The following NAALAD2 variants were observed in gnomAD, a reference collection of about 807,000 sequenced individuals.
The protein encoded by NAALAD2 is N-acetylated-alpha-linked acidic dipeptidase 2.
Under a neutral mutation model 95.6 loss-of-function variants are expected in NAALAD2, and 89 were observed. That is an observed-to-expected ratio of 0.93 (90% confidence interval 0.78 to 1.11). The LOEUF is 1.11. Ranked by LOEUF, NAALAD2 falls within the 50% of genes least tolerant of loss-of-function variation. The pLI is 0.00. For synonymous variants in NAALAD2, 264 were observed against 294.4 expected (o/e 0.90, Z 1.06); for missense variants, 894 against 872.4 (o/e 1.02, Z -0.31).
chr11:90,187,515 CAT>C (rs1188163162), intron 18 of NAALAD2, among the ~76,000 whole-genome samples: 1 of 148,212 alleles, frequency 6.7e-6, no homozygotes, highest in Non-Finnish European at 1.5e-5. Flanking sequence ...ATTGATATGA[CAT>C]ATTGCATATG....
At chr11:90,157,490 T>C (rs1397068789) in intron 6 of NAALAD2, among the ~76,000 whole-genome samples, 3 of 152,136 alleles carry the variant, frequency 2.0e-5, no homozygotes. Context: ...TTTCCAATTA[T>C]TTATAGTTTC....
At chr11:90,191,447 T>C in intron 18 of NAALAD2, 111 bp from the exon 19 acceptor site, 7 of 667,110 alleles carry the variant, frequency 1.0e-5, no homozygotes, top group South Asian at 4.0e-5. Context: ...TGTCTTCTTA[T>C]TATAGGAACA....
At chr11:90,163,868 T>TA (rs1003780820) in intron 11 of NAALAD2, 2 of 462,186 alleles carry the variant, frequency 4.3e-6, no homozygotes, top group East Asian at 6.6e-5. Context: ...ATTTGTTTTA[T>TA]AAAAAATAAG....
intron 2 of NAALAD2, among the ~76,000 whole-genome samples, chr11:90,141,794 T>C (rs991228643): frequency 1.2e-4 from 18 of 152,130 alleles, no homozygotes; most frequent in African/African-American, 4.3e-4. Flanking sequence ...TTTGGTTTGT[T>C]TCTTGTAGAT....
chr11:90,163,464 A>T, intron 10 of NAALAD2, 35 bp downstream of exon 10: 1 of 1,613,346 alleles, frequency 6.2e-7, no homozygotes, highest in Non-Finnish European at 8.5e-7. Flanking sequence ...GATGACAAAA[A>T]GTGACTTACT....
At chr11:90,171,383 C>T (rs76151480) in intron 13 of NAALAD2, among the ~76,000 whole-genome samples, 1 of 152,166 alleles carries the variant, frequency 6.6e-6, no homozygotes, top group African/African-American at 2.4e-5. Flanking sequence ...TCACAATGCT[C>T]TCACCATCTT....
intron 2 of NAALAD2, among the ~76,000 whole-genome samples, chr11:90,137,028 A>G (rs1291118500): frequency 1.3e-5 from 2 of 152,290 alleles, no homozygotes; most frequent in Non-Finnish European, 2.9e-5. Flanking sequence ...TACTCAGCAT[A>G]AAAAAGAAAG....
At chr11:90,133,374 G>C (rs1242637929), upstream of NAALAD2, among the ~76,000 whole-genome samples, 1 of 152,172 alleles carries the variant, frequency 6.6e-6, no homozygotes, top group Non-Finnish European at 1.5e-5. Context: ...AATGCTTCAT[G>C]AATGTAGCAT....
In NAALAD2 at chr11:90,170,023, C is replaced by A. The variant is rs745709176; in HGVS notation, c.1343-46C>A. ...AGTTAGAATTAAACAAATGGAATTTCATTTAGAAGTATGAAATAATACTCT... is the reference window on the plus strand; with the variant it reads ...AGTTAGAATTAAACAAATGGAATTTAATTTAGAAGTATGAAATAATACTCT... On this transcript the variant is annotated intron_variant, in intron 12 of 18. Coordinates refer to ENST00000534061, the MANE Select transcript of NAALAD2 (RefSeq NM_005467.4). The A allele has an allele frequency of 3.6e-6, 4 of 1,107,066 alleles. No homozygotes were observed. In the African/African-American group the frequency reaches 4.6e-5, roughly 13 times the overall value. 68.6% of individuals were successfully genotyped at this position (1,107,066 alleles called of 1,614,324 possible).
chr11:90,142,905 T>C (rs1332397569), intron 2 of NAALAD2, among the ~76,000 whole-genome samples: 2 of 152,088 alleles, frequency 1.3e-5, no homozygotes, highest in African/African-American at 2.4e-5. Context: ...AAGGTTATAT[T>C]ATACATCTGT....
chr11:90,138,528 A>C (rs1365742283), intron 2 of NAALAD2, among the ~76,000 whole-genome samples: 1 of 152,152 alleles, frequency 6.6e-6, no homozygotes, highest in Non-Finnish European at 1.5e-5. Context: ...GCAGTCTTGA[A>C]TAATGGAAAC....
At position 90,181,644 on chromosome 11, in the gene NAALAD2, AC is replaced by A. The variant is rs770301380; in HGVS notation, c.1884del (p.Phe629SerfsTer23). On this transcript the variant is annotated frameshift_variant, in exon 17 of 19. Transcript: ENST00000534061. LOFTEE classifies it high-confidence loss of function. ...SFDSLFSAVK[N>X]FSEAASDFHK... ...GACTCCTTATTTTCTGCTGTGAAAA[AC>A]TTCTCAGAGGCTGCTTCAGATTTTC... is the stretch of plus-strand genomic sequence containing the variant. 3 of 1,606,788 alleles carry A rather than the reference AC, an allele frequency of 1.9e-6. No homozygotes were observed. The East Asian group carries it at 6.7e-5, about 36-fold the overall frequency.
At chr11:90,134,953 TGGGCTA>T in intron 1 of NAALAD2, 113 bp downstream of exon 1, 4 of 1,180,732 alleles carry the variant, frequency 3.4e-6, no homozygotes, top group Non-Finnish European at 3.8e-6. Context: ...CCTGGCCGGC[TGGGCTA>T]GATATGATAA....
At chr11:90,161,752 T>A (rs1357342282) in intron 8 of NAALAD2, among the ~76,000 whole-genome samples, 1 of 152,152 alleles carries the variant, frequency 6.6e-6, no homozygotes, top group Non-Finnish European at 1.5e-5. Context: ...CATTTTTCTT[T>A]ACTTAATTTT....
intron 15 of NAALAD2, among the ~76,000 whole-genome samples, chr11:90,176,564 C>A (rs1392780462): frequency 2.0e-5 from 3 of 152,096 alleles, no homozygotes; most frequent in African/African-American, 7.2e-5. Flanking sequence ...TAACTTGATC[C>A]CCTTTTCTGT....
At chr11:90,181,734 A>G in intron 17 of NAALAD2, 33 bp downstream of exon 17, 1 of 1,329,360 alleles carries the variant, frequency 7.5e-7, no homozygotes, top group South Asian at 1.3e-5. Flanking sequence ...TTTAAAAAAA[A>G]AAAAAAAAGC....
At chr11:90,135,362 A>G (rs1951427911) in intron 1 of NAALAD2, among the ~76,000 whole-genome samples, 197 bp from the exon 2 acceptor site, 3 of 152,244 alleles carry the variant, frequency 2.0e-5, no homozygotes, top group African/African-American at 4.8e-5. Flanking sequence ...CCTTTTAAGC[A>G]TCTAAAAATT....
At chr11:90,154,042 TC>T (rs1951958965) in intron 6 of NAALAD2, among the ~76,000 whole-genome samples, 1 of 148,152 alleles carries the variant, frequency 6.7e-6, no homozygotes, top group Non-Finnish European at 1.5e-5. Flanking sequence ...TCTCTCTCTC[TC>T]TCTCTCTCTC....
intron 2 of NAALAD2, among the ~76,000 whole-genome samples, chr11:90,141,912 C>G (rs893450191): frequency 2.0e-5 from 3 of 151,958 alleles, no homozygotes; most frequent in Non-Finnish European, 4.4e-5. Context: ...GAAAAATTGC[C>G]TCTTTGTGCT....
Sources: allele counts gnomAD v4.1 joint callset (sites outside exome capture counted in the v4.1 genomes callset), GRCh38; gene constraint gnomAD v4.1.1; transcripts MANE v1.5; gene names NCBI Gene and HGNC (gene_info 2026-07-23, HGNC 2026-07-21).